Variants in FBXL20 observed in about 807,000 individuals in gnomAD.
FBXL20 encodes F-box and leucine rich repeat protein 20, also known as F-box/LRR-repeat protein 20.
In FBXL20, 11 loss-of-function variants were observed where a neutral mutation model predicts 64.0. The observed-to-expected ratio is 0.17, with a 90% CI of 0.11 to 0.28. The LOEUF is 0.28. FBXL20 is among the 10% of genes least tolerant of loss of function. FBXL20 has a pLI of 1.00. For missense variants in FBXL20, 303 were observed against 526.2 expected (o/e 0.58, Z 4.15); for synonymous variants, 184 against 189.0 (o/e 0.97, Z 0.22).
chr17:39,390,242 G>A (rs906603918), intron 1 of FBXL20, among the ~76,000 whole-genome samples: 5 of 151,808 alleles, frequency 3.3e-5, no homozygotes, highest in Admixed American at 6.6e-5. Flanking sequence ...GCAACATGGC[G>A]AAATCCCATC....
chr17:39,340,997 C>CTT (rs11462275), intron 2 of FBXL20, among the ~76,000 whole-genome samples: 6 of 120,068 alleles, frequency 5.0e-5, no homozygotes, highest in African/African-American at 1.2e-4. Context: ...CAAAGTTTTG[C>CTT]TTTTTTTTTT....
chr17:39,341,330 T>C (rs1311266178), intron 2 of FBXL20, among the ~76,000 whole-genome samples: 1 of 152,206 alleles, frequency 6.6e-6, no homozygotes, highest in Non-Finnish European at 1.5e-5. Flanking sequence ...CTATAATGTA[T>C]ATAAGAGTTA....
intron 2 of FBXL20, among the ~76,000 whole-genome samples, chr17:39,317,244 C>A (rs1597794035): frequency 6.6e-6 from 1 of 152,166 alleles, no homozygotes. Context: ...TTTTCTTTCC[C>A]CCCATGAGAC....
chr17:39,285,571 G>T lies in FBXL20; in HGVS notation c.401C>A (p.Thr134Lys). Reference sequence around the variant, plus strand: ...ACAGAACTTGCTAAGGCTAGTACATGTACTGAAAAATGGAAAAAGGAGAAA... The same window carrying T: ...ACAGAACTTGCTAAGGCTAGTACATTTACTGAAAAATGGAAAAAGGAGAAA... Reference protein sequence around the residue: ...LNGCTKTTDATCTSLSKFCSK... With the variant: ...LNGCTKTTDAKCTSLSKFCSK... The change falls in exon 7 of 15, where the codon ACA becomes AAA. Residue 134 changes from threonine (T) to lysine (K), a missense_variant and splice_region_variant. Thr to Lys is a moderately conservative substitution (Grantham distance 78). Transcript: ENST00000264658. 6.3e-7 allele frequency: 1 copy of T among 1,587,512 alleles called. No individual in the cohort carries two copies. Among genetic ancestry groups the T allele is most frequent in the Non-Finnish European group, 8.6e-7 (1 of 1,167,762 alleles).
At chr17:39,376,877 C>G (rs2047972235) in intron 1 of FBXL20, among the ~76,000 whole-genome samples, 1 of 151,770 alleles carries the variant, frequency 6.6e-6, no homozygotes, top group African/African-American at 2.4e-5. Flanking sequence ...ACCACCTTTG[C>G]AAAATTATGA....
intron 1 of FBXL20, among the ~76,000 whole-genome samples, chr17:39,396,530 A>T (rs1320071351): frequency 6.7e-6 from 1 of 149,888 alleles, no homozygotes; most frequent in African/African-American, 2.5e-5. Context: ...CAGGAGGCGG[A>T]GGTTGCAGTG....
intron 1 of FBXL20, among the ~76,000 whole-genome samples, chr17:39,350,320 T>C (rs2047675572): frequency 6.6e-6 from 1 of 151,926 alleles, no homozygotes; most frequent in Non-Finnish European, 1.5e-5. Flanking sequence ...AGAAACCCCA[T>C]CTCTACTAAA....
chr17:39,348,841 C>T (rs957596028), intron 1 of FBXL20, among the ~76,000 whole-genome samples: 10 of 152,108 alleles, frequency 6.6e-5, no homozygotes, highest in Admixed American at 2.0e-4. Context: ...ACTACAGAAA[C>T]GTGTTACCAC....
At chr17:39,384,851 G>A (rs904656294) in intron 1 of FBXL20, among the ~76,000 whole-genome samples, 1 of 152,114 alleles carries the variant, frequency 6.6e-6, no homozygotes, top group African/African-American at 2.4e-5. Flanking sequence ...TTGAGAGGCT[G>A]AGGCAGGATA....
At chr17:39,264,765 C>G (rs1368245853) in intron 13 of FBXL20, among the ~76,000 whole-genome samples, 1 of 152,170 alleles carries the variant, frequency 6.6e-6, no homozygotes, top group African/African-American at 2.4e-5. Flanking sequence ...TATTGAATAT[C>G]TGGTTCAGAG....
At chr17:39,296,577 A>G (rs1037339706) in intron 6 of FBXL20, among the ~76,000 whole-genome samples, 4 of 151,376 alleles carry the variant, frequency 2.6e-5, no homozygotes, top group Admixed American at 1.3e-4. Context: ...AAAAAAAAAA[A>G]AAAAAAGAAA....
intron 1 of FBXL20, among the ~76,000 whole-genome samples, chr17:39,367,850 G>A (rs1326723152): frequency 6.6e-6 from 1 of 151,582 alleles, no homozygotes; most frequent in Non-Finnish European, 1.5e-5. Flanking sequence ...TGCAACTTCA[G>A]CCTCCCAGGT....
rs1189845260 is a variant in FBXL20, at chr17:39,342,303, A to C, written c.104+877T>G. Among the ~76,000 whole-genome samples the C allele has an allele frequency of 2.0e-5, 3 of 152,010 alleles. No individual in the cohort carries two copies. In the South Asian group the frequency reaches 6.2e-4, roughly 32 times the overall value. On this transcript the variant is annotated intron_variant, in intron 2 of 14. Transcript: ENST00000264658. Reference sequence around the variant, plus strand: ...ACTGTAGGCCGGGTACAGTGGCTCAAGTCTGTAATCCCAGCACCCTGAGAG... The same window carrying C: ...ACTGTAGGCCGGGTACAGTGGCTCACGTCTGTAATCCCAGCACCCTGAGAG...
intron 1 of FBXL20, among the ~76,000 whole-genome samples, chr17:39,387,608 C>CAAG (rs2048095254): frequency 2.0e-5 from 3 of 147,734 alleles, no homozygotes; most frequent in Non-Finnish European, 4.5e-5. Context: ...GACAAGGTCT[C>CAAG]ACTCTGTCTT....
chr17:39,318,793 A>G (rs1208326809), intron 2 of FBXL20, among the ~76,000 whole-genome samples: 4 of 152,148 alleles, frequency 2.6e-5, no homozygotes, highest in African/African-American at 4.8e-5. Context: ...TAATGCTGAA[A>G]TAGTTCATAA....
In FBXL20 at chr17:39,261,169, ATCT is replaced by A. The variant is rs2144329845; in HGVS notation, c.*288_*290del. The stretch of plus-strand genomic sequence containing the variant: ...GGGGTTTGCTGGAATGCCCCTCCCT[ATCT>A]TGGCCTATGATTTTCTTATGGGCAC... On this transcript the variant is annotated 3_prime_UTR_variant, in exon 15 of 15. Coordinates refer to ENST00000264658, the MANE Select transcript of FBXL20 (RefSeq NM_032875.3). 3.1e-6 allele frequency: 1 copy of A among 320,230 alleles called. No individual in the cohort carries two copies. The highest frequency in any genetic ancestry group is 3.1e-5 in the South Asian group (1 of 32,398). The allele number at this position is 320,230 out of a possible 1,614,324, so 19.8% of individuals were successfully genotyped here.
chr17:39,351,529 A>G (rs985348748), intron 1 of FBXL20, among the ~76,000 whole-genome samples: 2 of 152,140 alleles, frequency 1.3e-5, no homozygotes, highest in Non-Finnish European at 2.9e-5. Flanking sequence ...CAGGTTTCTC[A>G]TTCAAAAATA....
At chr17:39,312,517 A>T (rs554389738) in intron 2 of FBXL20, among the ~76,000 whole-genome samples, 2 of 137,404 alleles carry the variant, frequency 1.5e-5, no homozygotes, top group South Asian at 5.0e-4. Context: ...ACCACTCTAC[A>T]TCTAGTATGT....
At chr17:39,358,429 T>A (rs1046975553) in intron 1 of FBXL20, among the ~76,000 whole-genome samples, 7 of 152,236 alleles carry the variant, frequency 4.6e-5, no homozygotes, top group South Asian at 2.1e-4. Flanking sequence ...ATGCCTGTAA[T>A]CCTAGCGCTT....
Sources: gnomAD v4.1 joint callset for allele counts (sites outside exome capture counted in the v4.1 genomes callset) on GRCh38, gnomAD v4.1.1 for gene constraint, MANE v1.5 for transcripts, NCBI Gene and HGNC (gene_info 2026-07-23, HGNC 2026-07-21) for gene names.